The following SRGAP1 variants were observed in gnomAD, a reference collection of about 807,000 sequenced individuals.
The protein encoded by SRGAP1 is SLIT-ROBO Rho GTPase-activating protein 1.
Under a neutral mutation model 121.9 loss-of-function variants are expected in SRGAP1, and 43 were observed. The observed-to-expected ratio is 0.35, with a 90% CI of 0.28 to 0.46. The LOEUF (loss-of-function observed/expected upper bound fraction) is 0.46, where lower values mean the gene tolerates loss of function less well. Among genes scored for constraint, SRGAP1 ranks in the 20% least tolerant of loss-of-function variants. The pLI, the probability that SRGAP1 is intolerant of heterozygous loss-of-function variation, is 1.00. For synonymous variants in SRGAP1, 447 were observed against 485.4 expected, an observed-to-expected ratio of 0.92 and a Z score of 1.04; for missense variants, 1,102 against 1,350.9, an observed-to-expected ratio of 0.82 and a Z score of 2.89.
intron 1 of SRGAP1, among the ~76,000 whole-genome samples, chr12:63,882,485 T>G (rs889479810): frequency 6.6e-6 from 1 of 152,162 alleles, no homozygotes; most frequent in African/African-American, 2.4e-5. Context: ...GGTTTCAGCA[T>G]GTTGGCCAGG....
At chr12:64,019,240 G>A (rs569786269) in intron 4 of SRGAP1, among the ~76,000 whole-genome samples, 1 of 152,172 alleles carries the variant, frequency 6.6e-6, no homozygotes, top group East Asian at 1.9e-4. Flanking sequence ...CCAGCCTATC[G>A]ATTGCACCTA....
chr12:64,104,455 C>T (rs1006691780), intron 15 of SRGAP1, among the ~76,000 whole-genome samples: 40 of 152,158 alleles, frequency 2.6e-4, no homozygotes, highest in African/African-American at 9.4e-4. Context: ...GAAGAAAAGA[C>T]CCATCTTTCC....
rs2037151041 is a variant in SRGAP1 at position 64,154,853 on chromosome 12, G to A, written c.*12181G>A. Reference sequence around the variant, plus strand: ...AAGCCCTGGGAAGCCCAGCTTGGGAGAGCTTGGGTGGAGTGAGGAGCTGGC... The same window carrying A: ...AAGCCCTGGGAAGCCCAGCTTGGGAAAGCTTGGGTGGAGTGAGGAGCTGGC... On this transcript the variant is annotated 3_prime_UTR_variant, in exon 22 of 22. Coordinates refer to ENST00000355086, the MANE Select transcript of SRGAP1 (RefSeq NM_020762.4). 1 of 152,578 alleles carries A rather than the reference G, an allele frequency of 6.6e-6. No individual in the cohort carries two copies. The highest frequency in any genetic ancestry group is 6.5e-5 in the Admixed American group (1 of 15,278). The allele number at this position is 152,578 out of a possible 1,614,324, so 9.5% of individuals were successfully genotyped here.
chr12:63,876,144 G>T (rs988501379), intron 1 of SRGAP1, among the ~76,000 whole-genome samples: 5 of 152,118 alleles, frequency 3.3e-5, no homozygotes, highest in African/African-American at 1.2e-4. Flanking sequence ...TGAAAAGATT[G>T]AAGAAATGGT....
intron 1 of SRGAP1, among the ~76,000 whole-genome samples, chr12:63,905,468 C>A (rs2030155965): frequency 6.6e-6 from 1 of 152,156 alleles, no homozygotes; most frequent in African/African-American, 2.4e-5. Flanking sequence ...TTTGAAAAAG[C>A]CAAGTGCATG....
At chr12:63,875,000 C>T (rs1303389043) in intron 1 of SRGAP1, among the ~76,000 whole-genome samples, 2 of 152,168 alleles carry the variant, frequency 1.3e-5, no homozygotes, top group Non-Finnish European at 2.9e-5. Context: ...ACTGCAGCCT[C>T]AGCCTCCTGG....
intron 1 of SRGAP1, among the ~76,000 whole-genome samples, chr12:63,951,536 C>T (rs2032299102): frequency 6.6e-6 from 1 of 152,192 alleles, no homozygotes; most frequent in Non-Finnish European, 1.5e-5. Context: ...GCAGCCACAG[C>T]AGCAAAACTG....
chr12:63,996,144 C>T lies in SRGAP1; in HGVS notation c.426+6072C>T, dbSNP rs564813771. 1.4e-3 allele frequency among the ~76,000 whole-genome samples: 218 copies of T among 151,240 alleles called. 1 individual carries two copies. Among genetic ancestry groups the T allele is most frequent in the Middle Eastern group, 3.5e-3 (1 of 286 alleles). ...ATATAGATTGTAGAAATTTAGAAAA[C>T]GCTATAAATATAAAAAGAAATAATA... On this transcript the variant is annotated intron_variant, in intron 3 of 21. Transcript: ENST00000355086.
At chr12:63,981,365 AC>A (rs1362414122) in intron 1 of SRGAP1, among the ~76,000 whole-genome samples, 2 of 151,964 alleles carry the variant, frequency 1.3e-5, no homozygotes, top group Non-Finnish European at 2.9e-5. Flanking sequence ...AAAAACAAAA[AC>A]AAAAACAAAC....
intron 8 of SRGAP1, among the ~76,000 whole-genome samples, chr12:64,075,105 C>T (rs1028186643): frequency 6.6e-6 from 1 of 152,172 alleles, no homozygotes; most frequent in Non-Finnish European, 1.5e-5. Flanking sequence ...AGTAGGAAAT[C>T]AGGGGTCTCA....
intron 1 of SRGAP1, among the ~76,000 whole-genome samples, chr12:63,877,393 G>A (rs144890248): frequency 7.8e-4 from 119 of 152,184 alleles, no homozygotes; most frequent in African/African-American, 2.6e-3. Context: ...AAATTTAAAT[G>A]CACGTTGTTC....
chr12:64,089,341 C>T (rs1306220922), intron 11 of SRGAP1, among the ~76,000 whole-genome samples: 1 of 152,200 alleles, frequency 6.6e-6, no homozygotes, highest in Non-Finnish European at 1.5e-5. Context: ...ACAATAAAGA[C>T]TCCTGCCCAC....
intron 1 of SRGAP1, among the ~76,000 whole-genome samples, chr12:63,871,000 C>G (rs984689330): frequency 1.3e-5 from 2 of 152,238 alleles, no homozygotes; most frequent in Middle Eastern, 3.4e-3. Context: ...GCTAGGAATT[C>G]TGGTGGAGCC....
At chr12:64,078,789 C>G in intron 8 of SRGAP1, 130 bp from the exon 9 acceptor site, 2 of 841,432 alleles carry the variant, frequency 2.4e-6, no homozygotes, top group Non-Finnish European at 3.7e-6. Context: ...CTTTGTTTCT[C>G]TCCTAATAGA....
rs148620345 is a variant in SRGAP1 at position 63,960,808 on chromosome 12, G to A, written c.68-23139G>A. Among the ~76,000 whole-genome samples the A allele has an allele frequency of 2.8e-4, 43 of 152,296 alleles. No homozygotes were observed. In the East Asian group the frequency reaches 6.0e-3, roughly 21 times the overall value. The stretch of plus-strand genomic sequence containing the variant: ...ATGTGACATTGAAGCAGAGATTGGG[G>A]TGTGCTTTCAGTCCAGGGCCAGGGG... On this transcript the variant is annotated intron_variant, in intron 1 of 21. Transcript: ENST00000355086.
intron 1 of SRGAP1, among the ~76,000 whole-genome samples, chr12:63,925,054 A>G (rs1434162465): frequency 6.6e-6 from 1 of 152,120 alleles, no homozygotes; most frequent in African/African-American, 2.4e-5. Context: ...ACTGCATTTG[A>G]TGTTATCCAA....
At chr12:63,987,703 C>T (rs543174776) in intron 2 of SRGAP1, among the ~76,000 whole-genome samples, 142 of 152,120 alleles carry the variant, frequency 9.3e-4, no homozygotes, top group African/African-American at 3.3e-3. Context: ...GCCTAGGCAA[C>T]AAGAGCAAAA....
At chr12:63,902,291 T>C (rs1055995127) in intron 1 of SRGAP1, among the ~76,000 whole-genome samples, 1 of 152,242 alleles carries the variant, frequency 6.6e-6, no homozygotes, top group Non-Finnish European at 1.5e-5. Context: ...ACAAGATTTA[T>C]TGAATGTTTA....
chr12:64,081,593 A>T (rs1159146860), intron 10 of SRGAP1: 2 of 152,170 alleles, frequency 1.3e-5, no homozygotes, highest in Non-Finnish European at 2.9e-5. Flanking sequence ...AGCAAAAGTT[A>T]TGAAAGACAT....
Sources: allele counts gnomAD v4.1 joint callset (sites outside exome capture counted in the v4.1 genomes callset), GRCh38; gene constraint gnomAD v4.1.1; transcripts MANE v1.5; gene names NCBI Gene and HGNC (gene_info 2026-07-23, HGNC 2026-07-21).